The following MYH15 variants were observed in gnomAD, a reference collection of about 807,000 sequenced individuals.
MYH15 encodes myosin-15.
In MYH15, 227 loss-of-function variants were observed where a neutral mutation model predicts 240.5. The ratio of observed to expected loss-of-function variants is 0.94; its 90% confidence interval spans 0.85 to 1.05. MYH15 has a LOEUF of 1.05. Ranked by LOEUF, MYH15 falls within the 50% of genes least tolerant of loss-of-function variation. MYH15 has a pLI of 0.00. For missense variants in MYH15, 2,217 were observed against 2,247.5 expected (o/e 0.99, Z 0.27); for synonymous variants, 785 against 796.7 (o/e 0.99, Z 0.25).
intron 1 of MYH15, chr3:108,529,258 C>T: frequency 6.2e-7 from 1 of 1,603,036 alleles, no homozygotes; most frequent in African/African-American, 1.3e-5. Flanking sequence ...TGGGAGTCCA[C>T]TCACCATGAT....
intron 1 of MYH15, 109 bp downstream of exon 1, chr3:108,510,333 CA>C (rs1371208152): frequency 7.1e-7 from 1 of 1,410,474 alleles, no homozygotes; most frequent in East Asian, 2.3e-5. Context: ...ATACCCTAAG[CA>C]AATAAGTTAG....
At chr3:108,534,718 T>A in the MYH15 span, among the ~76,000 whole-genome samples, 8 of 78,726 alleles carry the variant, frequency 1.0e-4, no homozygotes, top group African/African-American at 2.1e-4. Flanking sequence ...AAAAAAAAAT[T>A]TTTTTTTTTT....
intron 21 of MYH15, among the ~76,000 whole-genome samples, chr3:108,453,784 A>C (rs1392276870): frequency 6.6e-6 from 1 of 152,234 alleles, no homozygotes; most frequent in Non-Finnish European, 1.5e-5. Context: ...GAAGCCTGAA[A>C]GCATGACAAG....
At chr3:108,421,477 A>G (rs577719402) in intron 27 of MYH15, among the ~76,000 whole-genome samples, 3 of 152,326 alleles carry the variant, frequency 2.0e-5, no homozygotes, top group African/African-American at 7.2e-5. Context: ...TCCTTTCTAG[A>G]ATTATTTACT....
At chr3:108,486,396 T>C (rs1442466921) in intron 10 of MYH15, 27 bp downstream of exon 10, 3 of 1,552,068 alleles carry the variant, frequency 1.9e-6, no homozygotes, top group South Asian at 2.3e-5. Context: ...ATTACCAGAT[T>C]TTGCTTTGAC....
Position 108,462,204 on chromosome 3 carries a change from G to A in MYH15, c.1864+907C>T, listed in dbSNP as rs556618232. Among the ~76,000 whole-genome samples the A allele has an allele frequency of 6.6e-5, 10 of 152,194 alleles. No individual in the cohort carries two copies. The South Asian group carries it at 1.7e-3, about 25-fold the overall frequency. ...TCCCTCTGTATGTAGTTAGCATTTC[G>A]TTCAGTGAGGCTGGTGTTAACAACT... On this transcript the variant is annotated intron_variant, in intron 16 of 40. Transcript: ENST00000693548.
chr3:108,532,923 A>G (rs1274078967), upstream of MYH15, among the ~76,000 whole-genome samples: 3 of 152,126 alleles, frequency 2.0e-5, no homozygotes, highest in Admixed American at 6.5e-5. Context: ...CACTTTACCA[A>G]TGTTTCAACA....
chr3:108,471,368 T>C (rs79950683), intron 12 of MYH15, among the ~76,000 whole-genome samples: 13,530 of 152,124 alleles, frequency 0.089, 1,677 homozygotes, highest in East Asian at 0.59. Flanking sequence ...GTCCCAGACC[T>C]ACTGAATCAG....
intron 1 of MYH15, among the ~76,000 whole-genome samples, chr3:108,507,046 A>T (rs1164109862): frequency 6.6e-6 from 1 of 151,996 alleles, no homozygotes; most frequent in African/African-American, 2.4e-5. Context: ...TAAAAAATAA[A>T]GAAATAAAAA....
chr3:108,487,286 G>A (rs1485291522), intron 9 of MYH15, among the ~76,000 whole-genome samples: 2 of 152,168 alleles, frequency 1.3e-5, no homozygotes, highest in Non-Finnish European at 2.9e-5. Flanking sequence ...TCAATAAAGT[G>A]AAAATCGGTT....
At chr3:108,512,590 T>C (rs149864083), upstream of MYH15, among the ~76,000 whole-genome samples, 1 of 152,338 alleles carries the variant, frequency 6.6e-6, no homozygotes, top group African/African-American at 2.4e-5. Flanking sequence ...GATGTCTGTC[T>C]GAGTAGTGAG....
At chr3:108,389,381 A>T (rs975069327) in intron 37 of MYH15, among the ~76,000 whole-genome samples, 6 of 152,258 alleles carry the variant, frequency 3.9e-5, no homozygotes, top group Admixed American at 1.3e-4. Context: ...GTAAGTATAG[A>T]GAGTAAGCAA....
At chr3:108,385,575 T>C (rs985235241) in intron 38 of MYH15, among the ~76,000 whole-genome samples, 10 of 152,182 alleles carry the variant, frequency 6.6e-5, no homozygotes, top group African/African-American at 2.4e-4. Flanking sequence ...TGCCCCCTCT[T>C]TCCTCATGCC....
At chr3:108,431,873 C>T (rs1007378353) in intron 25 of MYH15, among the ~76,000 whole-genome samples, 1 of 152,138 alleles carries the variant, frequency 6.6e-6, no homozygotes, top group African/African-American at 2.4e-5. Flanking sequence ...AGATGAGGAA[C>T]TTGGGAACCA....
chr3:108,508,293 TAG>T (rs1226263998), intron 1 of MYH15, among the ~76,000 whole-genome samples: 2 of 152,184 alleles, frequency 1.3e-5, no homozygotes, highest in Admixed American at 1.3e-4. Flanking sequence ...TCCTTTCTCA[TAG>T]GAGACCCAAA....
chr3:108,518,366 A>T (rs935427455), intron 1 of MYH15, among the ~76,000 whole-genome samples: 4 of 152,030 alleles, frequency 2.6e-5, no homozygotes, highest in African/African-American at 9.7e-5. Flanking sequence ...AACCATCTCC[A>T]TCTTTCCATC....
In MYH15 at chr3:108,423,293, A is replaced by G. The variant is rs116253017; in HGVS notation, c.3703-2079T>C. Among the ~76,000 whole-genome samples, 1,141 of 152,268 alleles carry G rather than the reference A, an allele frequency of 7.5e-3. 9 individuals carry two copies. The highest frequency in any genetic ancestry group is 0.026 in the African/African-American group (1,071 of 41,548). On this transcript the variant is annotated intron_variant, in intron 27 of 40. Transcript: ENST00000693548. ...CTGGCTGTCTCACTTACTAATGGCT[A>G]TTCTCTGAAAGACTACTGAATTATG...
chr3:108,521,739 G>A (rs2083619337), intron 1 of MYH15, among the ~76,000 whole-genome samples: 1 of 152,180 alleles, frequency 6.6e-6, no homozygotes, highest in Non-Finnish European at 1.5e-5. Context: ...TGGGTAAACT[G>A]AAGTCACCAG....
intron 26 of MYH15, among the ~76,000 whole-genome samples, chr3:108,429,710 C>T (rs1531188): frequency 0.13 from 19,310 of 152,098 alleles, 1,487 homozygotes; most frequent in South Asian, 0.25. Flanking sequence ...AATATGTTTT[C>T]CTTTCCATTA....
Sources: gnomAD v4.1 joint callset for allele counts (sites outside exome capture counted in the v4.1 genomes callset) on GRCh38, gnomAD v4.1.1 for gene constraint, MANE v1.5 for transcripts, NCBI Gene and HGNC (gene_info 2026-07-23, HGNC 2026-07-21) for gene names.